Variants in MYO5A observed in about 807,000 individuals in gnomAD.
The protein encoded by MYO5A is unconventional myosin-Va.
In MYO5A, 98 loss-of-function variants were observed where a neutral mutation model predicts 249.7. The observed-to-expected ratio is 0.39, with a 90% confidence interval of 0.33 to 0.46. MYO5A has a LOEUF of 0.46. Ranked by LOEUF, MYO5A falls within the 20% of genes least tolerant of loss-of-function variation. MYO5A has a pLI of 0.98. For missense variants in MYO5A, 1,696 were observed against 2,308.8 expected, an observed-to-expected ratio of 0.73 and a Z score of 5.44; for synonymous variants, 778 against 810.6, an observed-to-expected ratio of 0.96 and a Z score of 0.68.
intron 21 of MYO5A, among the ~76,000 whole-genome samples, chr15:52,370,793 G>A (rs2041064957): frequency 6.6e-6 from 1 of 152,120 alleles, no homozygotes; most frequent in Non-Finnish European, 1.5e-5. Context: ...GCTTAGTGAT[G>A]CGTACGAATG....
At chr15:52,319,445 T>C (rs1209611464) in intron 38 of MYO5A, 103 bp from the exon 39 acceptor site, 2 of 1,321,914 alleles carry the variant, frequency 1.5e-6, no homozygotes, top group African/African-American at 1.4e-5. Flanking sequence ...TTAGGAAAAT[T>C]AGCTGGGCAC....
At chr15:52,328,107 T>C (rs2038694871) in intron 35 of MYO5A, 101 bp from the exon 36 acceptor site, 3 of 984,604 alleles carry the variant, frequency 3.0e-6, no homozygotes, top group East Asian at 2.6e-5. Context: ...AGTTCAATCA[T>C]TCAAGGTAAG....
chr15:52,371,026 T>A (rs2041081204), intron 21 of MYO5A, among the ~76,000 whole-genome samples: 1 of 151,844 alleles, frequency 6.6e-6, no homozygotes, highest in South Asian at 2.1e-4. Flanking sequence ...GGCAGGAGGA[T>A]CACTTGAGCC....
chr15:52,319,392 TCATGTGCACATATC>T (rs757673959), intron 38 of MYO5A, 50 bp from the exon 39 acceptor site: 1 of 1,574,440 alleles, frequency 6.4e-7, no homozygotes, highest in Non-Finnish European at 8.7e-7. Flanking sequence ...AGGGAACCTT[TCATGTGCACATATC>T]CATGTGCACA....
In MYO5A at chr15:52,323,107, T is replaced by G. The variant is rs561949037; in HGVS notation, c.4800+248A>C. Among the ~76,000 whole-genome samples the G allele has an allele frequency of 1.8e-4, 28 of 152,336 alleles. 1 individual carries two copies. In the South Asian group the frequency reaches 5.4e-3, roughly 29 times the overall value. Reference sequence around the variant, plus strand: ...ACATACTGACAAAAAGTTTTACTTCTGGTAACTATTCACTGACCAATGCTT... The same window carrying G: ...ACATACTGACAAAAAGTTTTACTTCGGGTAACTATTCACTGACCAATGCTT... On this transcript the variant is annotated intron_variant, in intron 37 of 41. Coordinates refer to ENST00000399233, the MANE Select transcript of MYO5A (RefSeq NM_001382347.1).
intron 1 of MYO5A, among the ~76,000 whole-genome samples, chr15:52,506,597 G>A (rs2077277242): frequency 6.6e-6 from 1 of 151,866 alleles, no homozygotes; most frequent in African/African-American, 2.4e-5. Context: ...AGCAATTTGG[G>A]AGGACAAGGA....
intron 40 of MYO5A, among the ~76,000 whole-genome samples, chr15:52,315,454 C>A (rs1177850021): frequency 1.3e-5 from 2 of 151,904 alleles, no homozygotes; most frequent in African/African-American, 2.4e-5. Flanking sequence ...GGCTCACTGC[C>A]ACTTCTGCCT....
chr15:52,376,815 T>C (rs2041437894), intron 18 of MYO5A, among the ~76,000 whole-genome samples: 1 of 152,174 alleles, frequency 6.6e-6, no homozygotes, highest in Non-Finnish European at 1.5e-5. Flanking sequence ...GGCCCAAAAC[T>C]TGGTTGTGGG....
chr15:52,520,744 C>T (rs1183665897), intron 1 of MYO5A, among the ~76,000 whole-genome samples: 1 of 152,158 alleles, frequency 6.6e-6, no homozygotes, highest in Non-Finnish European at 1.5e-5. Context: ...TTACCCAGAC[C>T]CTCTCTATTT....
rs112583910 is a variant in MYO5A at position 52,389,065 on chromosome 15, C to T, written c.1668+173G>A. Among the ~76,000 whole-genome samples the T allele has an allele frequency of 6.1e-3, 932 of 151,950 alleles. 10 individuals are homozygous for T. The highest frequency in any genetic ancestry group is 0.021 in the African/African-American group (891 of 41,452). On this transcript the variant is annotated intron_variant, in intron 13 of 41. Transcript: ENST00000399233. ...AGAACCATACTTATTTCACAAATAA[C>T]TCAATTTAGGTTAAAGGAAGAGAAA... is the stretch of plus-strand genomic sequence containing the variant.
At chr15:52,408,419 T>A (rs1567097725) in intron 6 of MYO5A, among the ~76,000 whole-genome samples, 1 of 149,816 alleles carries the variant, frequency 6.7e-6, no homozygotes, top group Non-Finnish European at 1.5e-5. Context: ...AATCATAAGA[T>A]AATCAGTGCT....
chr15:52,494,166 G>T (rs1171080521), intron 1 of MYO5A, among the ~76,000 whole-genome samples: 1 of 152,144 alleles, frequency 6.6e-6, no homozygotes, highest in Non-Finnish European at 1.5e-5. Context: ...TCACTGAATG[G>T]TGTCATCTTT....
chr15:52,527,128 G>A (rs1265473162), intron 1 of MYO5A, among the ~76,000 whole-genome samples: 1 of 152,218 alleles, frequency 6.6e-6, no homozygotes, highest in Non-Finnish European at 1.5e-5. Flanking sequence ...CATGGGCTGC[G>A]GGTTGGACAA....
At chr15:52,385,727 G>A (rs1469185646) in intron 14 of MYO5A, among the ~76,000 whole-genome samples, 1 of 152,034 alleles carries the variant, frequency 6.6e-6, no homozygotes, top group East Asian at 1.9e-4. Context: ...TCTAAAATTA[G>A]TACTTCCAAG....
chr15:52,335,611 AC>A (rs1184572109), intron 34 of MYO5A, among the ~76,000 whole-genome samples: 1 of 152,052 alleles, frequency 6.6e-6, no homozygotes, highest in Admixed American at 6.5e-5. Context: ...AAACACATAA[AC>A]ACACTAATAG....
intron 12 of MYO5A, among the ~76,000 whole-genome samples, chr15:52,390,855 C>T (rs570651503): frequency 2.6e-5 from 4 of 152,044 alleles, no homozygotes; most frequent in Non-Finnish European, 5.9e-5. Context: ...CCATCATGCC[C>T]GGCCTTCTTT....
At chr15:52,517,983 T>C (rs548117464) in intron 1 of MYO5A, among the ~76,000 whole-genome samples, 1 of 152,288 alleles carries the variant, frequency 6.6e-6, no homozygotes, top group Admixed American at 6.5e-5. Context: ...AAAATGCTTA[T>C]AAATCAACTT....
rs777420044 is a variant in MYO5A at position 52,348,815 on chromosome 15, T to C, written c.3858+3A>G. ...TACTAAAAAAAAAAAAAGGTATAAT[T>C]ACCTTGTCATCCTGAGAATCACAAG... On this transcript the variant is annotated splice_donor_region_variant and intron_variant, in intron 29 of 41. Coordinates refer to ENST00000399233, the MANE Select transcript of MYO5A (RefSeq NM_001382347.1). 1 of 1,575,162 alleles carries C rather than the reference T, an allele frequency of 6.3e-7. No individual in the cohort carries two copies. Among genetic ancestry groups the C allele is most frequent in the Non-Finnish European group, 8.6e-7 (1 of 1,159,578 alleles).
Position 52,343,104 on chromosome 15 carries a change from A to G in MYO5A, c.4040+13T>C. 6.3e-7 allele frequency: 1 copy of G among 1,599,724 alleles called. No individual in the cohort carries two copies. The highest frequency in any genetic ancestry group is 1.1e-5 in the South Asian group (1 of 90,774). ...AAATTAATAACATTCCATTTTGAGG[A>G]GACAAATATAACCTGTTGGCTTGTT... On this transcript the variant is annotated intron_variant, in intron 31 of 41. Coordinates refer to ENST00000399233, the MANE Select transcript of MYO5A (RefSeq NM_001382347.1).
Sources: allele counts gnomAD v4.1 joint callset (sites outside exome capture counted in the v4.1 genomes callset), GRCh38; gene constraint gnomAD v4.1.1; transcripts MANE v1.5; gene names NCBI Gene and HGNC (gene_info 2026-07-23, HGNC 2026-07-21).